PCDH15: variants seen among roughly 807,000 people sequenced by gnomAD.
PCDH15 encodes the protein protocadherin related 15, also known as protocadherin-15.
PCDH15 carries 129 observed loss-of-function variants against 178.5 expected under a neutral mutation model. That is an observed-to-expected ratio of 0.72 (90% confidence interval 0.63 to 0.84). The LOEUF (loss-of-function observed/expected upper bound fraction) is 0.84. PCDH15 is among the 40% of genes least tolerant of loss of function. The pLI is 0.00. For synonymous variants in PCDH15, 800 were observed against 732.0 expected, an observed-to-expected ratio of 1.09 and a Z score of -1.50; for missense variants, 2,230 against 2,099.9, an observed-to-expected ratio of 1.06 and a Z score of -1.21.
At position 55,408,839 on chromosome 10, in the gene PCDH15, T is replaced by C. The variant is rs569382432; in HGVS notation, c.-156+218786A>G. Among the ~76,000 whole-genome samples, 42 of 152,290 alleles carry C rather than the reference T, an allele frequency of 2.8e-4. No individual in the cohort carries two copies. The South Asian group carries it at 8.7e-3, about 32-fold the overall frequency. On this transcript the variant is annotated intron_variant, in intron 2 of 5. Transcript: ENST00000613346. ...ACTAAAGCTCATCTTATCTAAGTCA[T>C]GGATGATCTGCACTATGACAAACCC...
At chr10:55,438,202 T>TACAC (rs71463103) in intron 2 of PCDH15, among the ~76,000 whole-genome samples, 95,853 of 149,474 alleles carry the variant, frequency 0.64, 31,115 homozygotes, top group East Asian at 0.93. Flanking sequence ...GAACATGTTA[T>TACAC]ACACACACAC....
intron 4 of PCDH15, among the ~76,000 whole-genome samples, chr10:54,372,076 A>G (rs932628179): frequency 9.2e-5 from 14 of 151,976 alleles, no homozygotes; most frequent in Non-Finnish European, 1.8e-4. Context: ...AGGCATGTCC[A>G]GCATATTTTA....
chr10:54,964,215 C>A (rs559736907), intron 2 of PCDH15, among the ~76,000 whole-genome samples: 87 of 152,228 alleles, frequency 5.7e-4, no homozygotes, highest in African/African-American at 1.9e-3. Flanking sequence ...TTAAGGCTGG[C>A]TGAGTCAATT....
chr10:54,655,273 A>AGAGAGGGG (rs2094360731), intron 2 of PCDH15, among the ~76,000 whole-genome samples: 1 of 121,346 alleles, frequency 8.2e-6, no homozygotes, highest in African/African-American at 3.1e-5. Context: ...AGAGAGAGAG[A>AGAGAGGGG]GAGAGAGAGA....
chr10:54,234,130 T>TTGTGTGTGTGTGTGTGTGTG (rs1491388308), intron 9 of PCDH15, among the ~76,000 whole-genome samples: 2 of 103,096 alleles, frequency 1.9e-5, no homozygotes, highest in Admixed American at 1.0e-4. Context: ...GGATATCCCC[T>TTGTGTGTGTGTGTGTGTGTG]TCTGTGTGTG....
chr10:54,765,154 T>C lies in PCDH15; in HGVS notation c.-29+35771A>G, dbSNP rs12221377. Among the ~76,000 whole-genome samples, 77 of 152,250 alleles carry C rather than the reference T, an allele frequency of 5.1e-4. No homozygotes were observed. In the East Asian group the frequency reaches 0.013, roughly 27 times the overall value. The stretch of plus-strand genomic sequence containing the variant: ...GAATCTATACTAATTTCAACTCTCT[T>C]AGACAAAATTTCACATAGGCCACGT... On this transcript the variant is annotated intron_variant, in intron 1 of 37. Coordinates refer to ENST00000644397, the MANE Select transcript of PCDH15 (RefSeq NM_001384140.1).
chr10:54,585,310 G>C (rs1034341146), intron 2 of PCDH15, among the ~76,000 whole-genome samples: 1 of 152,056 alleles, frequency 6.6e-6, no homozygotes, highest in African/African-American at 2.4e-5. Context: ...ATGAATTACC[G>C]TTTCCCAACT....
In PCDH15 at chr10:54,550,421, T is replaced by G. The variant is rs114650311; in HGVS notation, c.92-22544A>C. Among the ~76,000 whole-genome samples the G allele has an allele frequency of 9.3e-3, 1,412 of 152,184 alleles. 22 individuals carry two copies. Among genetic ancestry groups the G allele is most frequent in the African/African-American group, 0.031 (1,289 of 41,536 alleles). On this transcript the variant is annotated intron_variant, in intron 2 of 37. Transcript: ENST00000644397. ...ACATAATTTATATTTTAAAAATTAT[T>G]TTTTGCCATTATTTTCTTGAGCCAG... is the stretch of plus-strand genomic sequence containing the variant.
intron 1 of PCDH15, among the ~76,000 whole-genome samples, chr10:55,196,398 T>C (rs1261871450): frequency 6.6e-6 from 1 of 152,142 alleles, no homozygotes; most frequent in Admixed American, 6.5e-5. Context: ...TCCTGCTAGA[T>C]CTTGTTTTAA....
At chr10:54,775,834 C>A (rs1006411021) in intron 1 of PCDH15, among the ~76,000 whole-genome samples, 1 of 151,994 alleles carries the variant, frequency 6.6e-6, no homozygotes. Flanking sequence ...TGCAGTGAGC[C>A]GAGATAGCGC....
intron 2 of PCDH15, among the ~76,000 whole-genome samples, chr10:55,103,646 T>C (rs1009849447): frequency 3.3e-5 from 5 of 152,146 alleles, no homozygotes; most frequent in African/African-American, 1.2e-4. Context: ...CTGATTTTCA[T>C]GATATTCTCT....
At chr10:55,166,216 T>C (rs983783295) in intron 2 of PCDH15, among the ~76,000 whole-genome samples, 2 of 152,120 alleles carry the variant, frequency 1.3e-5, no homozygotes, top group Non-Finnish European at 2.9e-5. Flanking sequence ...CAATGATGGA[T>C]GCAATGTGTC....
intron 1 of PCDH15, among the ~76,000 whole-genome samples, chr10:54,687,242 A>T (rs957903863): frequency 6.6e-6 from 1 of 152,160 alleles, no homozygotes; most frequent in Non-Finnish European, 1.5e-5. Flanking sequence ...AGAAATCACT[A>T]CGGAGGTTTC....
rs1431388363 is a variant in PCDH15 at position 55,621,952 on chromosome 10, T to A, written c.-156+5673A>T. On this transcript the variant is annotated intron_variant, in intron 2 of 5. Coordinates refer to the PCDH15 transcript ENST00000613346. ...CATTGAAACCCTTTTTAAAGATCAT[T>A]CATAGTTAAATATAAATATACTCTC... Among the ~76,000 whole-genome samples the A allele has an allele frequency of 8.8e-5, 13 of 147,022 alleles. No individual in the cohort carries two copies. In the Admixed American group the frequency reaches 9.0e-4, roughly 10 times the overall value.
At chr10:54,256,750 T>C (rs543859987) in intron 8 of PCDH15, among the ~76,000 whole-genome samples, 19 of 152,268 alleles carry the variant, frequency 1.2e-4, no homozygotes, top group African/African-American at 3.9e-4. Context: ...AGGTTTTTCA[T>C]TGGTTATTTC....
intron 1 of PCDH15, among the ~76,000 whole-genome samples, chr10:54,757,276 CTTTTTTT>C (rs57411772): frequency 2.9e-5 from 1 of 34,180 alleles, no homozygotes; most frequent in Non-Finnish European, 5.1e-5. Flanking sequence ...AGAATTCTAC[CTTTTTTT>C]TTTTTTTTTT....
intron 2 of PCDH15, among the ~76,000 whole-genome samples, chr10:54,543,749 G>A (rs1037203320): frequency 3.3e-5 from 5 of 152,138 alleles, no homozygotes; most frequent in Non-Finnish European, 7.3e-5. Flanking sequence ...AAGTCTGGCT[G>A]TTGAAACTGC....
intron 5 of PCDH15, among the ~76,000 whole-genome samples, chr10:54,347,909 C>T (rs1044739665): frequency 3.2e-4 from 49 of 152,164 alleles, no homozygotes; most frequent in African/African-American, 1.2e-3. Context: ...AGTGCAGTGG[C>T]ACGGTCTCGG....
intron 1 of PCDH15, among the ~76,000 whole-genome samples, chr10:55,308,214 T>C (rs766321835): frequency 7.2e-4 from 110 of 152,294 alleles, no homozygotes; most frequent in Non-Finnish European, 1.4e-3. Flanking sequence ...ATTCTCTCCA[T>C]GGGCCCTTGG....
Sources: gnomAD v4.1 joint callset for allele counts (sites outside exome capture counted in the v4.1 genomes callset) on GRCh38, gnomAD v4.1.1 for gene constraint, MANE v1.5 for transcripts, NCBI Gene and HGNC (gene_info 2026-07-23, HGNC 2026-07-21) for gene names.